CTNNA2: variants seen among roughly 807,000 people sequenced by gnomAD.
CTNNA2 encodes the protein catenin alpha 2.
A neutral mutation model predicts 101.0 loss-of-function variants in CTNNA2; 42 were observed. The ratio of observed to expected loss-of-function variants is 0.42; its 90% CI spans 0.32 to 0.54. The LOEUF is 0.54. CTNNA2 is among the 20% of genes least tolerant of loss of function. The probability of loss-of-function intolerance (pLI) is 0.14; values close to 1 mark genes in which losing one functional copy is unlikely to be tolerated. For synonymous variants in CTNNA2, 450 were observed against 456.4 expected (o/e 0.99, Z 0.18); for missense variants, 871 against 1,223.1 (o/e 0.71, Z 4.29).
chr2:79,607,432 C>G (rs943774637), intron 1 of CTNNA2, among the ~76,000 whole-genome samples: 2 of 152,120 alleles, frequency 1.3e-5, no homozygotes, highest in African/African-American at 4.8e-5. Flanking sequence ...ACACTCCACT[C>G]AATAACTGCA....
chr2:80,021,107 C>G (rs900302609), intron 7 of CTNNA2, among the ~76,000 whole-genome samples: 4 of 150,974 alleles, frequency 2.6e-5, no homozygotes, highest in African/African-American at 4.9e-5. Flanking sequence ...GCAACCTCCA[C>G]CTCCAGGACT....
intron 2 of CTNNA2, among the ~76,000 whole-genome samples, chr2:79,736,350 G>C (rs1275974253): frequency 1.3e-5 from 2 of 152,124 alleles, no homozygotes; most frequent in African/African-American, 4.8e-5. Flanking sequence ...ATTGCTAAAG[G>C]AATAAATCAG....
chr2:80,428,324 A>G (rs1681178315), intron 9 of CTNNA2, among the ~76,000 whole-genome samples: 1 of 152,262 alleles, frequency 6.6e-6, no homozygotes, highest in Non-Finnish European at 1.5e-5. Context: ...AAAAGTTCAC[A>G]GTGCTGCTTG....
intron 3 of CTNNA2, among the ~76,000 whole-genome samples, chr2:79,325,472 C>G (rs527825422): frequency 2.6e-5 from 4 of 152,126 alleles, no homozygotes; most frequent in Admixed American, 6.5e-5. Context: ...CATTTCGGGA[C>G]CCTATATGCT....
chr2:79,568,173 G>A (rs564147308), intron 1 of CTNNA2, among the ~76,000 whole-genome samples: 15 of 152,200 alleles, frequency 9.9e-5, no homozygotes, highest in East Asian at 9.7e-4. Flanking sequence ...CTGGCACATC[G>A]TAAGTGCTAA....
chr2:80,273,756 G>T (rs1673682771), intron 7 of CTNNA2, among the ~76,000 whole-genome samples: 1 of 151,946 alleles, frequency 6.6e-6, no homozygotes, highest in South Asian at 2.1e-4. Flanking sequence ...TGCTTCTTTG[G>T]TTCCTTCAAA....
Position 79,895,271 on chromosome 2 carries a change from C to A in CTNNA2, c.853-14323C>A, listed in dbSNP as rs148415591. ...TATTCCTGTGAGACAAAAACTGTTT[C>A]TTTCCCATCTTAATTTGCCTGCTTA... is the stretch of plus-strand genomic sequence containing the variant. On this transcript the variant is annotated intron_variant, in intron 6 of 18. Coordinates refer to ENST00000402739, the MANE Select transcript of CTNNA2 (RefSeq NM_001282597.3). 7.4e-4 allele frequency among the ~76,000 whole-genome samples: 113 copies of A among 152,256 alleles called. No individual in the cohort carries two copies. The East Asian group carries it at 0.02, about 28-fold the overall frequency.
chr2:80,608,395 T>C (rs1368653150), intron 17 of CTNNA2, 77 bp downstream of exon 17: 2 of 1,493,682 alleles, frequency 1.3e-6, no homozygotes, highest in Non-Finnish European at 1.8e-6. Context: ...GCAACAGTAC[T>C]GCTAAAAACA....
At chr2:80,634,437 G>A (rs369539010) in intron 18 of CTNNA2, among the ~76,000 whole-genome samples, 4 of 151,970 alleles carry the variant, frequency 2.6e-5, no homozygotes, top group East Asian at 3.9e-4. Context: ...AAACATGACT[G>A]GTCTTTCTGA....
intron 4 of CTNNA2, among the ~76,000 whole-genome samples, chr2:79,458,110 A>G (rs1427133312): frequency 3.3e-5 from 5 of 152,186 alleles, no homozygotes; most frequent in Admixed American, 2.0e-4. Flanking sequence ...TCTCAGGAGG[A>G]ATTAGTTTTA....
intron 7 of CTNNA2, among the ~76,000 whole-genome samples, chr2:80,044,683 C>T (rs771208459): frequency 6.6e-6 from 1 of 152,106 alleles, no homozygotes; most frequent in Non-Finnish European, 1.5e-5. Context: ...ACTTACAGCA[C>T]TGGATAAGAA....
intron 2 of CTNNA2, among the ~76,000 whole-genome samples, chr2:79,718,793 A>G (rs1192009331): frequency 6.6e-6 from 1 of 151,484 alleles, no homozygotes; most frequent in Non-Finnish European, 1.5e-5. Context: ...GTAAATGTAC[A>G]GCAAATATTT....
chr2:80,248,006 G>T (rs1293917389), intron 7 of CTNNA2, among the ~76,000 whole-genome samples: 2 of 151,134 alleles, frequency 1.3e-5, no homozygotes, highest in African/African-American at 2.4e-5. Flanking sequence ...TCTATCATTT[G>T]TCTTTTCTTT....
At chr2:79,630,690 G>T (rs1169526036) in intron 1 of CTNNA2, among the ~76,000 whole-genome samples, 1 of 152,110 alleles carries the variant, frequency 6.6e-6, no homozygotes, top group Non-Finnish European at 1.5e-5. Flanking sequence ...GTAATTCCAA[G>T]TCTTGCTGTA....
At chr2:80,444,619 T>C (rs1373533641) in intron 9 of CTNNA2, among the ~76,000 whole-genome samples, 1 of 152,174 alleles carries the variant, frequency 6.6e-6, no homozygotes, top group Non-Finnish European at 1.5e-5. Context: ...TACATGGAGA[T>C]AGAGCCTTTG....
rs1183269813 is a variant in CTNNA2, at chr2:80,648,040, C to A, written c.*168C>A. 3.6e-5 allele frequency: 21 copies of A among 582,658 alleles called. No homozygotes were observed. Among genetic ancestry groups the A allele is most frequent in the Non-Finnish European group, 5.5e-5 (19 of 343,482 alleles). 36.1% of individuals were successfully genotyped at this position (582,658 alleles called of 1,614,324 possible). ...ATGAGATGAGATCAATACTACTGATCCATCTGTAGCCTGGGAAGGAGACAG... is the reference window on the plus strand; with the variant it reads ...ATGAGATGAGATCAATACTACTGATACATCTGTAGCCTGGGAAGGAGACAG... On this transcript the variant is annotated 3_prime_UTR_variant, in exon 19 of 19. Transcript: ENST00000402739.
At chr2:80,086,714 T>C (rs557336234) in intron 7 of CTNNA2, among the ~76,000 whole-genome samples, 4 of 152,048 alleles carry the variant, frequency 2.6e-5, no homozygotes, top group South Asian at 4.2e-4. Context: ...AATGTGTAGA[T>C]TGGGGTGAAG....
At chr2:79,907,828 A>T (rs1006112907) in intron 6 of CTNNA2, among the ~76,000 whole-genome samples, 3 of 152,220 alleles carry the variant, frequency 2.0e-5, no homozygotes, top group Non-Finnish European at 4.4e-5. Flanking sequence ...TTTCTAAAAA[A>T]TCCAAGATTC....
At chr2:80,079,948 C>T (rs1365979821) in intron 7 of CTNNA2, among the ~76,000 whole-genome samples, 1 of 151,088 alleles carries the variant, frequency 6.6e-6, no homozygotes, top group African/African-American at 2.4e-5. Flanking sequence ...GTTATTATTG[C>T]TTTATTGCCT....
Sources: allele counts gnomAD v4.1 joint callset (sites outside exome capture counted in the v4.1 genomes callset), GRCh38; gene constraint gnomAD v4.1.1; transcripts MANE v1.5; gene names NCBI Gene and HGNC (gene_info 2026-07-23, HGNC 2026-07-21).